The following XPO1 variants were observed in gnomAD, a reference collection of about 807,000 sequenced individuals.
XPO1 encodes exportin-1.
Under a neutral mutation model 133.3 loss-of-function variants are expected in XPO1, and 5 were observed. That is an observed-to-expected ratio of 0.04 (90% CI 0.02 to 0.08). The LOEUF is 0.08. XPO1 is among the 10% of genes least tolerant of loss of function. The pLI, the probability that XPO1 is intolerant of heterozygous loss-of-function variation, is 1.00. For missense variants in XPO1, 506 were observed against 1,267.5 expected (o/e 0.40, Z 9.12); for synonymous variants, 419 against 408.2 (o/e 1.03, Z -0.32).
At chr2:61,497,813 A>T (rs1428539559) in intron 9 of XPO1, among the ~76,000 whole-genome samples, 1 of 152,346 alleles carries the variant, frequency 6.6e-6, no homozygotes, top group East Asian at 1.9e-4. Context: ...ACATTAAAAT[A>T]TTTAAATAAA....
intron 17 of XPO1, 35 bp downstream of exon 17, chr2:61,490,607 C>G: frequency 6.2e-7 from 1 of 1,613,244 alleles, no homozygotes; most frequent in South Asian, 1.1e-5. Flanking sequence ...TGTTAAATCC[C>G]ATGAAAACTT....
intron 4 of XPO1, among the ~76,000 whole-genome samples, chr2:61,510,045 C>T (rs1380334916): frequency 6.6e-6 from 1 of 151,956 alleles, no homozygotes; most frequent in Admixed American, 6.6e-5. Flanking sequence ...TGTGGGAGGC[C>T]GAGGTGGGTG....
Position 61,493,934 on chromosome 2 carries a change from A to G in XPO1, c.1205T>C (p.Val402Ala), listed in dbSNP as rs1003068758. The stretch of plus-strand genomic sequence containing the variant: ...CAAATATAGCTGTCTCCTGGGAGGA[A>G]CATCAAAATGTTGACTTCCAGAAAG... Reference protein sequence around the residue: ...PLLSGSQHFDVPPRRQLYLPM... With the variant: ...PLLSGSQHFDAPPRRQLYLPM... Residue 402 changes from valine to alanine, a missense_variant, in exon 12 of 25, where the codon GTT becomes GCT. Physicochemically the swap from Val to Ala is moderately conservative, Grantham distance 64. Transcript: ENST00000401558. 5 of 1,614,152 alleles carry G rather than the reference A, an allele frequency of 3.1e-6. No individual in the cohort carries two copies. The African/African-American group carries it at 5.3e-5, about 17-fold the overall frequency.
rs1225703618 is a variant in XPO1 at position 61,519,551 on chromosome 2, T to C, written c.301+3060A>G. ...TCTACTAAAAAAAAAAAAAAAAAAT[T>C]AGCTGGGTGTGGTGGCGGGTGCCTG... On this transcript the variant is annotated intron_variant, in intron 4 of 24. Coordinates refer to ENST00000401558, the MANE Select transcript of XPO1 (RefSeq NM_003400.4). Among the ~76,000 whole-genome samples, 3 of 147,572 alleles carry C rather than the reference T, an allele frequency of 2.0e-5. No individual in the cohort carries two copies. In the East Asian group the frequency reaches 6.0e-4, roughly 29 times the overall value.
In XPO1 at chr2:61,537,752, AACACACAC is replaced by A. The variant is rs34469311; in HGVS notation, c.-205_-198del. 0.043 allele frequency: 6,016 copies of A among 139,184 alleles called. 278 individuals are homozygous for A. Among genetic ancestry groups the A allele is most frequent in the East Asian group, 0.22 (999 of 4,526 alleles). 8.6% of individuals were successfully genotyped at this position (139,184 alleles called of 1,614,324 possible). On this transcript the variant is annotated 5_prime_UTR_variant, in exon 1 of 25. Transcript: ENST00000401558. ...TTACTATTTCAGGGACGCTTCCCCC[AACACACAC>A]ACACACACACACACACACACACACC...
At chr2:61,512,816 G>A (rs570727683) in intron 4 of XPO1, among the ~76,000 whole-genome samples, 140 of 152,238 alleles carry the variant, frequency 9.2e-4, no homozygotes, top group African/African-American at 3.1e-3. Flanking sequence ...TGAGACTGGC[G>A]GATCACTTGA....
chr2:61,479,075 C>T (rs1202141406), intron 24 of XPO1, 109 bp from the exon 25 acceptor site: 4 of 1,304,622 alleles, frequency 3.1e-6, no homozygotes, highest in African/African-American at 1.5e-5. Context: ...ATAAATTATC[C>T]ATAAAGTGGC....
chr2:61,514,406 C>A lies in XPO1; in HGVS notation c.301+8205G>T, dbSNP rs537268756. 1.6e-4 allele frequency among the ~76,000 whole-genome samples: 24 copies of A among 151,896 alleles called. No homozygotes were observed. The South Asian group carries it at 2.5e-3, about 16-fold the overall frequency. On this transcript the variant is annotated intron_variant, in intron 4 of 24. Coordinates refer to ENST00000401558, the MANE Select transcript of XPO1 (RefSeq NM_003400.4). ...AGGAGTTCGAGACCATCCTGGCCAA[C>A]ATGGTGAAAGCTCGTCTCTACTAAA...
chr2:61,526,516 T>C lies in XPO1; in HGVS notation c.132A>G (p.Arg44=). The part of the protein sequence containing the change: ...CLYHGEGAQQ[R]MAQEVLTHLK... ...AATGTGTCAGTACTTCTTGAGCCAT[T>C]CTTTGCTAAAATATTATTAAAAAAA... The change falls in exon 3 of 25, where the codon AGA becomes AGG. Residue 44 remains arginine, a synonymous_variant. Coordinates refer to ENST00000401558, the MANE Select transcript of XPO1 (RefSeq NM_003400.4). The C allele has an allele frequency of 4.5e-6, 7 of 1,565,382 alleles. No homozygotes were observed. The highest frequency in any genetic ancestry group is 2.1e-5 in the Admixed American group (1 of 46,636).
intron 4 of XPO1, among the ~76,000 whole-genome samples, chr2:61,507,897 CATTA>C (rs201437844): frequency 7.9e-5 from 12 of 152,244 alleles, no homozygotes; most frequent in East Asian, 7.7e-4. Context: ...GGCTCCATAT[CATTA>C]ATTAATTAAT....
Position 61,507,437 on chromosome 2 carries a change from A to G in XPO1, c.302-5127T>C, listed in dbSNP as rs146760370. ...AAAAATAAAAAAATTAGCTAGGCAC[A>G]GTCGTTCGTGCCTATACTCCTAGCT... On this transcript the variant is annotated intron_variant, in intron 4 of 24. Transcript: ENST00000401558. Among the ~76,000 whole-genome samples, 4 of 152,068 alleles carry G rather than the reference A, an allele frequency of 2.6e-5. No homozygotes were observed. The East Asian group carries it at 5.8e-4, about 22-fold the overall frequency.
intron 4 of XPO1, among the ~76,000 whole-genome samples, chr2:61,521,144 G>A (rs185226264): frequency 6.6e-6 from 1 of 152,220 alleles, no homozygotes. Context: ...CTTAATCTAT[G>A]ATTTATGATG....
intron 2 of XPO1, among the ~76,000 whole-genome samples, chr2:61,528,733 T>TTATATA (rs10528074): frequency 7.3e-4 from 84 of 115,786 alleles, no homozygotes; most frequent in Non-Finnish European, 9.9e-4. Flanking sequence ...GACATTTTAT[T>TTATATA]TATATATATA....
At chr2:61,491,968 A>T (rs1431775597) in intron 16 of XPO1, 67 bp downstream of exon 16, 2 of 1,551,288 alleles carry the variant, frequency 1.3e-6, no homozygotes, top group Non-Finnish European at 1.8e-6. Context: ...TCCTATTTCC[A>T]TTGATACATA....
chr2:61,493,864 G>A (rs769366107), intron 12 of XPO1, 30 bp downstream of exon 12: 4 of 1,610,818 alleles, frequency 2.5e-6, no homozygotes. Flanking sequence ...GTATGCAACA[G>A]GAAGAACACT....
chr2:61,496,263 G>A (rs567937982), intron 10 of XPO1, among the ~76,000 whole-genome samples: 6 of 152,178 alleles, frequency 3.9e-5, no homozygotes, highest in Non-Finnish European at 7.3e-5. Context: ...CCAGGCTGGA[G>A]TGCAATAGTG....
intron 9 of XPO1, among the ~76,000 whole-genome samples, chr2:61,497,414 G>A (rs559680853): frequency 6.6e-6 from 1 of 152,040 alleles, no homozygotes; most frequent in Non-Finnish European, 1.5e-5. Flanking sequence ...GTTTTGCCAC[G>A]TTGGGCCAGG....
chr2:61,482,256 T>C (rs1002074452), intron 23 of XPO1, 124 bp downstream of exon 23: 1 of 848,244 alleles, frequency 1.2e-6, no homozygotes, highest in Admixed American at 2.8e-5. Context: ...GTTGTCTAGG[T>C]TGGTCTCCAA....
At chr2:61,518,969 T>C (rs1311790546) in intron 4 of XPO1, among the ~76,000 whole-genome samples, 2 of 151,314 alleles carry the variant, frequency 1.3e-5, no homozygotes, top group Non-Finnish European at 2.9e-5. Context: ...TCTTTTGCTC[T>C]TTTTTTTTGA....
Sources: gnomAD v4.1 joint callset for allele counts (sites outside exome capture counted in the v4.1 genomes callset) on GRCh38, gnomAD v4.1.1 for gene constraint, MANE v1.5 for transcripts, NCBI Gene and HGNC (gene_info 2026-07-23, HGNC 2026-07-21) for gene names.